The following CACNB2 variants were observed in gnomAD, a reference collection of about 807,000 sequenced individuals.
CACNB2 encodes the protein calcium voltage-gated channel auxiliary subunit beta 2.
In CACNB2, 42 loss-of-function variants were observed where a neutral mutation model predicts 73.3. The ratio of observed to expected loss-of-function variants is 0.57; its 90% CI spans 0.45 to 0.74. The LOEUF (loss-of-function observed/expected upper bound fraction) is 0.74. CACNB2 is among the 30% of genes least tolerant of loss of function. CACNB2 has a pLI of 0.00. For synonymous variants in CACNB2, 348 were observed against 310.3 expected, an observed-to-expected ratio of 1.12 and a Z score of -1.28; for missense variants, 940 against 853.0, an observed-to-expected ratio of 1.10 and a Z score of -1.27.
intron 1 of CACNB2, 74 bp from the exon 2 acceptor site, chr10:18,150,805 GCAAC>G: frequency 2.2e-6 from 2 of 900,090 alleles, no homozygotes; most frequent in Non-Finnish European, 3.3e-6. Flanking sequence ...GACATTTTCT[GCAAC>G]TAGGCCTACA....
chr10:18,446,245 G>T (rs1220182281), intron 3 of CACNB2, among the ~76,000 whole-genome samples: 2 of 152,222 alleles, frequency 1.3e-5, no homozygotes, highest in Admixed American at 6.5e-5. Flanking sequence ...CAGTCTGCAT[G>T]AGAAAGGACC....
chr10:18,519,012 G>C lies in CACNB2; in HGVS notation c.944+44G>C, dbSNP rs762592424. 8.3e-6 allele frequency: 13 copies of C among 1,563,660 alleles called. No individual in the cohort carries two copies. The Middle Eastern group carries it at 5.0e-4, about 60-fold the overall frequency. On this transcript the variant is annotated intron_variant, in intron 9 of 13. Transcript: ENST00000324631. The stretch of plus-strand genomic sequence containing the variant: ...TGGGTTTTGTGGATTTTGTCTTAAA[G>C]ATGGCAAAACGCTGGTGGGACATGC...
intron 2 of CACNB2, among the ~76,000 whole-genome samples, chr10:18,242,145 A>G (rs535025297): frequency 9.2e-5 from 14 of 151,996 alleles, no homozygotes; most frequent in Admixed American, 3.3e-4. Context: ...ATATACACAC[A>G]ATAAGACACT....
chr10:18,427,336 C>T (rs2045659004), intron 3 of CACNB2, among the ~76,000 whole-genome samples: 1 of 151,960 alleles, frequency 6.6e-6, no homozygotes, highest in East Asian at 1.9e-4. Context: ...ATGTTTTTAA[C>T]ATCACCTTTT....
intron 2 of CACNB2, among the ~76,000 whole-genome samples, chr10:18,220,132 TATATATATATATATATATATATACAC>T (rs1189391797): frequency 2.7e-5 from 1 of 36,854 alleles, no homozygotes; most frequent in African/African-American, 3.0e-4. Context: ...TATATATATA[TATATATATATATATATATATATACAC>T]ACACACACAC....
rs1019196484 is a variant in CACNB2 at position 18,425,224 on chromosome 10, A to G, written c.333+23181A>G. ...TACAAGAGGACTTTCTATATTTTAT[A>G]TGTCATTATTTTTGTTGGTTATTTG... On this transcript the variant is annotated intron_variant, in intron 3 of 13. Coordinates refer to ENST00000324631, the MANE Select transcript of CACNB2 (RefSeq NM_201596.3). Among the ~76,000 whole-genome samples, 4 of 151,556 alleles carry G rather than the reference A, an allele frequency of 2.6e-5. No individual in the cohort carries two copies. In the East Asian group the frequency reaches 5.8e-4, roughly 22 times the overall value.
intron 1 of CACNB2, among the ~76,000 whole-genome samples, chr10:18,145,149 A>G (rs2030834751): frequency 6.6e-6 from 1 of 152,218 alleles, no homozygotes; most frequent in Non-Finnish European, 1.5e-5. Flanking sequence ...CGAGTCTGCC[A>G]GATGCTTTTC....
intron 2 of CACNB2, among the ~76,000 whole-genome samples, chr10:18,376,273 C>T (rs780226289): frequency 3.9e-5 from 6 of 152,110 alleles, no homozygotes; most frequent in Non-Finnish European, 8.8e-5. Context: ...CTAGCTTCCA[C>T]TTATTTGTGT....
At position 18,534,102 on chromosome 10, in the gene CACNB2, A is replaced by G. The variant is rs916556534; in HGVS notation, c.1081A>G (p.Ile361Val). 2 of 1,613,896 alleles carry G rather than the reference A, an allele frequency of 1.2e-6. No homozygotes were observed. Among genetic ancestry groups the G allele is most frequent in the African/African-American group, 2.7e-5 (2 of 74,892 alleles). The change falls in exon 11 of 14, where the codon ATT (isoleucine) becomes GTT (valine). Residue 361 changes from isoleucine (I) to valine (V), a missense_variant. Transcript: ENST00000324631. ...LAEVQSEIER[I>V]FELARTLQLV... Reference sequence around the variant, plus strand: ...GGAAGTTCAGAGTGAAATCGAAAGGATTTTTGAACTTGCAAGAACATTGCA... The same window carrying G: ...GGAAGTTCAGAGTGAAATCGAAAGGGTTTTTGAACTTGCAAGAACATTGCA...
chr10:18,247,202 C>T (rs1487905027), intron 2 of CACNB2, among the ~76,000 whole-genome samples: 1 of 152,176 alleles, frequency 6.6e-6, no homozygotes, highest in East Asian at 1.9e-4. Context: ...ATAGCCTCTG[C>T]ACAGAATCCT....
intron 2 of CACNB2, among the ~76,000 whole-genome samples, chr10:18,312,295 G>A (rs998421338): frequency 6.6e-6 from 1 of 152,064 alleles, no homozygotes; most frequent in Non-Finnish European, 1.5e-5. Context: ...CTATTGAGCC[G>A]AACTCTCTTA....
At chr10:18,231,423 C>T (rs559027908) in intron 2 of CACNB2, among the ~76,000 whole-genome samples, 1 of 152,222 alleles carries the variant, frequency 6.6e-6, no homozygotes, top group Non-Finnish European at 1.5e-5. Context: ...AGGTGATCCA[C>T]CTGCCTCGGC....
chr10:18,148,936 T>G (rs1367440972), intron 1 of CACNB2, among the ~76,000 whole-genome samples: 1 of 147,878 alleles, frequency 6.8e-6, no homozygotes, highest in Non-Finnish European at 1.5e-5. Flanking sequence ...TGGGGTGTAG[T>G]CAAGGCTGCA....
intron 2 of CACNB2, among the ~76,000 whole-genome samples, chr10:18,161,255 G>C (rs1198336600): frequency 1.3e-5 from 2 of 152,190 alleles, no homozygotes; most frequent in South Asian, 4.1e-4. Flanking sequence ...TCAGGTTCTA[G>C]AAAATTATTT....
chr10:18,330,977 C>G (rs1426894524), intron 2 of CACNB2, among the ~76,000 whole-genome samples: 1 of 136,192 alleles, frequency 7.3e-6, no homozygotes, highest in Non-Finnish European at 1.6e-5. Context: ...TTTTTATCTT[C>G]TGCACCATGC....
intron 2 of CACNB2, among the ~76,000 whole-genome samples, chr10:18,311,841 TAGTCAGGG>T (rs1325859265): frequency 6.6e-6 from 1 of 152,168 alleles, no homozygotes; most frequent in Non-Finnish European, 1.5e-5. Flanking sequence ...ATAAGGTGTG[TAGTCAGGG>T]AACCGCCTGG....
At chr10:18,531,905 G>A (rs1189363942) in intron 10 of CACNB2, 1 of 152,188 alleles carries the variant, frequency 6.6e-6, no homozygotes, top group African/African-American at 2.4e-5. Context: ...GGGGAGATGA[G>A]GAAGGCTTGC....
At chr10:18,167,321 G>A (rs1295764487) in intron 2 of CACNB2, among the ~76,000 whole-genome samples, 1 of 152,102 alleles carries the variant, frequency 6.6e-6, no homozygotes, top group Admixed American at 6.6e-5. Context: ...TGAGAGGGGA[G>A]GGGAGGGTCG....
At chr10:18,432,590 T>G (rs1564541774) in intron 3 of CACNB2, among the ~76,000 whole-genome samples, 1 of 152,134 alleles carries the variant, frequency 6.6e-6, no homozygotes. Flanking sequence ...CCCAGCACTT[T>G]GGGAGGCCAG....
Sources: gnomAD v4.1 joint callset for allele counts (sites outside exome capture counted in the v4.1 genomes callset) on GRCh38, gnomAD v4.1.1 for gene constraint, MANE v1.5 for transcripts, NCBI Gene and HGNC (gene_info 2026-07-23, HGNC 2026-07-21) for gene names.